Variants in SMAP1 observed in about 807,000 individuals in gnomAD.
SMAP1 encodes the protein small ArfGAP 1.
A neutral mutation model predicts 58.5 loss-of-function variants in SMAP1; 24 were observed. That is an observed-to-expected ratio of 0.41 (90% confidence interval 0.30 to 0.58). The LOEUF is 0.58. Among genes scored for constraint, SMAP1 ranks in the 20% least tolerant of loss-of-function variants. The pLI, the probability that SMAP1 is intolerant of heterozygous loss-of-function variation, is 0.29. For missense variants in SMAP1, 563 were observed against 566.3 expected (o/e 0.99, Z 0.06); for synonymous variants, 216 against 196.6 (o/e 1.10, Z -0.82).
chr6:70,701,035 C>T (rs1767605752), intron 1 of SMAP1, among the ~76,000 whole-genome samples: 2 of 152,084 alleles, frequency 1.3e-5, no homozygotes, highest in Non-Finnish European at 2.9e-5. Context: ...TTTACCCTCC[C>T]CTCTTCTCTC....
intron 4 of SMAP1, among the ~76,000 whole-genome samples, chr6:70,777,784 CCT>C (rs1196296588): frequency 1.3e-5 from 2 of 151,434 alleles, no homozygotes; most frequent in African/African-American, 4.8e-5. Context: ...ATGGAGTCCC[CCT>C]GTTTCACCCA....
chr6:70,734,165 G>A (rs565309916), intron 2 of SMAP1, among the ~76,000 whole-genome samples: 9 of 151,414 alleles, frequency 5.9e-5, no homozygotes, highest in East Asian at 3.9e-4. Context: ...TTTTTGAGAC[G>A]GAGTCTCACT....
chr6:70,754,692 G>A (rs1273080737), intron 2 of SMAP1, among the ~76,000 whole-genome samples: 1 of 152,056 alleles, frequency 6.6e-6, no homozygotes, highest in African/African-American at 2.4e-5. Context: ...GGAATTCACT[G>A]TTAGGAAGTA....
chr6:70,782,153 C>T (rs1767790437), intron 4 of SMAP1, among the ~76,000 whole-genome samples: 1 of 152,130 alleles, frequency 6.6e-6, no homozygotes, highest in Non-Finnish European at 1.5e-5. Context: ...GTCTTATACT[C>T]TACATGTATA....
intron 3 of SMAP1, among the ~76,000 whole-genome samples, chr6:70,756,833 G>A (rs915396175): frequency 5.2e-4 from 79 of 152,148 alleles, no homozygotes; most frequent in African/African-American, 1.9e-3. Flanking sequence ...AACTCTTCAA[G>A]GAGAACTACA....
intron 6 of SMAP1, among the ~76,000 whole-genome samples, chr6:70,803,339 GGT>G (rs1386379215): frequency 6.6e-6 from 1 of 152,120 alleles, no homozygotes; most frequent in African/African-American, 2.4e-5. Flanking sequence ...TGGGATCAGT[GGT>G]GATACCCCTT....
chr6:70,692,155 G>A (rs139889977), intron 1 of SMAP1, among the ~76,000 whole-genome samples: 122 of 152,256 alleles, frequency 8.0e-4, no homozygotes, highest in African/African-American at 2.5e-3. Context: ...ATATCTCATT[G>A]TAATTTTAAT....
At chr6:70,829,923 T>C (rs556945216) in intron 6 of SMAP1, among the ~76,000 whole-genome samples, 2 of 152,310 alleles carry the variant, frequency 1.3e-5, no homozygotes, top group African/African-American at 4.8e-5. Context: ...TGGTGGTAAA[T>C]GTAGGAGTTG....
Position 70,836,986 on chromosome 6 carries a change from C to T in SMAP1, c.622C>T (p.Pro208Ser). The change falls in exon 7 of 11, where the codon CCT becomes TCT. Residue 208 changes from proline to serine, a missense_variant. Pro to Ser is a moderately conservative substitution (Grantham distance 74). Transcript: ENST00000370455. ...ACTGGAGCCTAAAAAAAGTACCAGCCCTAAAAAAGCTGCGGAGCCCACTGT... is the reference window on the plus strand; with the variant it reads ...ACTGGAGCCTAAAAAAAGTACCAGCTCTAAAAAAGCTGCGGAGCCCACTGT... ...QQLEPKKSTS[P>S]KKAAEPTVDL... The T allele has an allele frequency of 5.6e-6, 9 of 1,603,238 alleles. No individual in the cohort carries two copies. The highest frequency in any genetic ancestry group is 6.8e-6 in the Non-Finnish European group (8 of 1,175,182).
chr6:70,806,995 T>C (rs961541200), intron 6 of SMAP1, among the ~76,000 whole-genome samples: 1 of 152,202 alleles, frequency 6.6e-6, no homozygotes, highest in African/African-American at 2.4e-5. Context: ...TCAGGTTCTT[T>C]ATTGCAATTT....
At chr6:70,729,197 T>C (rs375627170) in intron 1 of SMAP1, among the ~76,000 whole-genome samples, 2 of 152,086 alleles carry the variant, frequency 1.3e-5, no homozygotes, top group Admixed American at 6.6e-5. Flanking sequence ...CCCAGCACTT[T>C]GGGAGGCCGA....
intron 1 of SMAP1, among the ~76,000 whole-genome samples, chr6:70,701,565 G>T (rs1368828301): frequency 6.6e-6 from 1 of 152,132 alleles, no homozygotes; most frequent in Non-Finnish European, 1.5e-5. Flanking sequence ...TTTTCCTCTG[G>T]TTAAGGCTGG....
At chr6:70,773,462 G>A in intron 4 of SMAP1, 37 bp downstream of exon 4, 2 of 1,275,536 alleles carry the variant, frequency 1.6e-6, no homozygotes, top group Non-Finnish European at 2.2e-6. Flanking sequence ...ATTGTTTGTT[G>A]ACTAGATTTC....
intron 1 of SMAP1, among the ~76,000 whole-genome samples, chr6:70,681,156 C>CA (rs1308241155): frequency 6.6e-6 from 1 of 151,792 alleles, no homozygotes; most frequent in East Asian, 1.9e-4. Flanking sequence ...TGGTGGCTCA[C>CA]ACCTCTAATC....
intron 8 of SMAP1, among the ~76,000 whole-genome samples, chr6:70,855,163 G>A (rs1006188738): frequency 6.6e-6 from 1 of 151,512 alleles, no homozygotes; most frequent in Non-Finnish European, 1.5e-5. Context: ...TCTTGGTTAA[G>A]CCCTTGGGTC....
chr6:70,788,471 TAAAA>T (rs531819936), intron 4 of SMAP1, among the ~76,000 whole-genome samples: 7 of 150,154 alleles, frequency 4.7e-5, no homozygotes, highest in Admixed American at 1.3e-4. Context: ...AAAAATAAAA[TAAAA>T]AAAAACTTAC....
At chr6:70,721,791 G>A (rs1768538469) in intron 1 of SMAP1, among the ~76,000 whole-genome samples, 1 of 152,150 alleles carries the variant, frequency 6.6e-6, no homozygotes, top group African/African-American at 2.4e-5. Flanking sequence ...AAGAAAATGA[G>A]GAAGAAGCAA....
chr6:70,681,059 T>C (rs117816668), intron 1 of SMAP1, among the ~76,000 whole-genome samples: 2,697 of 151,508 alleles, frequency 0.018, 37 homozygotes, highest in Middle Eastern at 0.055. Context: ...ATAAAACTTA[T>C]AGGGACAGAA....
Position 70,858,122 on chromosome 6 carries a change from C to T in SMAP1, c.1162C>T (p.Pro388Ser). Reference sequence around the variant, plus strand: ...TGCACAAACTGGTGTGATGCCACTTCCTCAGAACGTTGTTGGCCCCCAAGG... The same window carrying T: ...TGCACAAACTGGTGTGATGCCACTTTCTCAGAACGTTGTTGGCCCCCAAGG... ...GNAQTGVMPL[P>S]QNVVGPQGGM... The change falls in exon 10 of 11, where the codon CCT becomes TCT. Residue 388 changes from proline to serine, a missense_variant. Physicochemically the swap from Pro to Ser is moderately conservative, Grantham distance 74. This residue lies in a region of SMAP1 where 494 missense variants were observed against 473.8 expected (regional missense o/e 1.04). Transcript: ENST00000370455. 1.9e-6 allele frequency: 3 copies of T among 1,613,932 alleles called. No homozygotes were observed. The highest frequency in any genetic ancestry group is 1.7e-6 in the Non-Finnish European group (2 of 1,179,970).
Sources: allele counts gnomAD v4.1 joint callset (sites outside exome capture counted in the v4.1 genomes callset), GRCh38; gene constraint gnomAD v4.1.1; regional missense constraint gnomAD v4.1.1; transcripts MANE v1.5; gene names NCBI Gene and HGNC (gene_info 2026-07-23, HGNC 2026-07-21).